The following ESRRB variants were observed in gnomAD, a reference collection of about 807,000 sequenced individuals.
ESRRB encodes the protein steroid hormone receptor ERR2.
ESRRB carries 16 observed loss-of-function variants against 46.0 expected under a neutral mutation model. The ratio of observed to expected loss-of-function variants is 0.35; its 90% CI spans 0.24 to 0.53. The LOEUF (loss-of-function observed/expected upper bound fraction) is 0.53. ESRRB is among the 20% of genes least tolerant of loss of function. The probability of loss-of-function intolerance (pLI) is 0.93; values close to 1 mark genes in which losing one functional copy is unlikely to be tolerated. For missense variants in ESRRB, 488 were observed against 607.4 expected, an observed-to-expected ratio of 0.80 and a Z score of 2.07; for synonymous variants, 246 against 259.6, an observed-to-expected ratio of 0.95 and a Z score of 0.50.
rs1351526750 is a variant in ESRRB at position 76,499,153 on chromosome 14, C to CA, written c.*695_*696insA. On this transcript the variant is annotated 3_prime_UTR_variant, in exon 7 of 7. Transcript: ENST00000644823. ...CCTGTCCTCCTCCTCTTCTCCTCCC[C>CA]CCGGGAGTCCCCCGCTACTTCCTGA... 6.4e-6 allele frequency: 2 copies of CA among 313,558 alleles called. No individual in the cohort carries two copies. Among genetic ancestry groups the CA allele is most frequent in the African/African-American group, 2.2e-5 (1 of 45,764 alleles). The allele number at this position is 313,558 out of a possible 1,614,324, so 19.4% of individuals were successfully genotyped here. A position where few individuals can be genotyped will look rare whatever the true frequency, so the allele number is the denominator to read the frequency against.
chr14:76,488,541 C>T (rs79598061), intron 5 of ESRRB, among the ~76,000 whole-genome samples: 2,152 of 152,322 alleles, frequency 0.014, 63 homozygotes, highest in African/African-American at 0.049. Context: ...GGCACATTTT[C>T]TTGTCTCCTG....
intron 1 of ESRRB, among the ~76,000 whole-genome samples, chr14:76,340,034 G>A (rs1393718618): frequency 1.3e-5 from 2 of 152,094 alleles, no homozygotes; most frequent in Admixed American, 6.5e-5. Flanking sequence ...GGGGCAGGCG[G>A]CAATCTTTAT....
intron 1 of ESRRB, among the ~76,000 whole-genome samples, chr14:76,389,004 G>T (rs369833386): frequency 2.0e-5 from 3 of 152,088 alleles, no homozygotes; most frequent in South Asian, 2.1e-4. Flanking sequence ...CTCTAAACCT[G>T]CTTATCCTCA....
intron 1 of ESRRB, among the ~76,000 whole-genome samples, chr14:76,399,413 G>A (rs1396733705): frequency 1.3e-5 from 2 of 152,084 alleles, no homozygotes; most frequent in East Asian, 1.9e-4. Context: ...AAATCAAACA[G>A]CCAACACAGG....
chr14:76,352,310 G>C (rs139258344), intron 1 of ESRRB, among the ~76,000 whole-genome samples: 1 of 152,206 alleles, frequency 6.6e-6, no homozygotes, highest in Non-Finnish European at 1.5e-5. Flanking sequence ...TAAGTGTTCA[G>C]TACATGTTAA....
In ESRRB at chr14:76,498,313, C is replaced by A; in HGVS notation, c.1220C>A (p.Pro407His). The change falls in exon 7 of 7, where the codon CCC becomes CAC. Residue 407 changes from proline to histidine, a missense_variant. Pro to His is a moderately conservative substitution (Grantham distance 77). Transcript: ENST00000644823. The stretch of plus-strand genomic sequence containing the variant: ...GAGCTGAGCCAGCGCCATGAGGAGC[C>A]CTGGAGGACGGGCAAGCTGCTGCTG... ...DYELSQRHEEPWRTGKLLLTL... is the reference protein window; with the variant it reads ...DYELSQRHEEHWRTGKLLLTL... The A allele has an allele frequency of 6.2e-7, 1 of 1,613,474 alleles. No homozygotes were observed. Among genetic ancestry groups the A allele is most frequent in the Non-Finnish European group, 8.5e-7 (1 of 1,179,908 alleles).
At chr14:76,407,347 T>C (rs1446262281) in intron 1 of ESRRB, 1 of 155,800 alleles carries the variant, frequency 6.4e-6, no homozygotes, top group Non-Finnish European at 1.4e-5. Flanking sequence ...GACACAAATG[T>C]AGAGCCACAA....
In ESRRB at chr14:76,499,541, C is replaced by T. The variant is rs1890579443; in HGVS notation, c.*1083C>T. The T allele has an allele frequency of 2.3e-6, 1 of 439,100 alleles. No individual in the cohort carries two copies. The highest frequency in any genetic ancestry group is 3.5e-5 in the Admixed American group (1 of 28,962). 27.2% of individuals were successfully genotyped at this position (439,100 alleles called of 1,614,324 possible). On this transcript the variant is annotated 3_prime_UTR_variant, in exon 7 of 7. Transcript: ENST00000644823. ...GCCTGCCTCATCCTTCCTGGCTTCCCTTCCCTGCACTCAGCATCATGCCAC... is the reference window on the plus strand; with the variant it reads ...GCCTGCCTCATCCTTCCTGGCTTCCTTTCCCTGCACTCAGCATCATGCCAC...
chr14:76,362,355 T>G (rs1191845240), intron 1 of ESRRB, among the ~76,000 whole-genome samples: 2 of 152,182 alleles, frequency 1.3e-5, no homozygotes, highest in African/African-American at 4.8e-5. Context: ...GTGCTCTTAT[T>G]TACCAACATC....
intron 3 of ESRRB, among the ~76,000 whole-genome samples, chr14:76,464,017 G>A (rs191420887): frequency 1.1e-4 from 17 of 152,274 alleles, no homozygotes; most frequent in Admixed American, 9.8e-4. Flanking sequence ...TTTTCAGTTT[G>A]AGGAACCTTG....
chr14:76,350,942 G>A (rs1329925030), intron 1 of ESRRB, among the ~76,000 whole-genome samples: 1 of 152,236 alleles, frequency 6.6e-6, no homozygotes, highest in African/African-American at 2.4e-5. Context: ...ACACCTGCCT[G>A]CTGTCTGCCT....
At chr14:76,416,199 G>C (rs536978865) in intron 1 of ESRRB, among the ~76,000 whole-genome samples, 1 of 143,952 alleles carries the variant, frequency 6.9e-6, no homozygotes, top group East Asian at 2.1e-4. Flanking sequence ...GCAGTGGTGT[G>C]ATCATAGCTC....
chr14:76,445,769 C>T (rs964928105), intron 2 of ESRRB, among the ~76,000 whole-genome samples: 10 of 151,220 alleles, frequency 6.6e-5, no homozygotes, highest in Admixed American at 1.3e-4. Flanking sequence ...ACTTCAACCT[C>T]GGCCTCCCAG....
chr14:76,356,808 C>G (rs12589382), intron 1 of ESRRB, among the ~76,000 whole-genome samples: 152,100 of 152,378 alleles, frequency 1, 75,911 homozygotes, highest in Middle Eastern at 1. Flanking sequence ...AATTGTTCTG[C>G]GAGGCTGGAT....
At chr14:76,353,429 C>G (rs1337878471) in intron 1 of ESRRB, among the ~76,000 whole-genome samples, 1 of 152,178 alleles carries the variant, frequency 6.6e-6, no homozygotes, top group African/African-American at 2.4e-5. Context: ...CCCTAAGACT[C>G]GGGGATTACA....
intron 3 of ESRRB, among the ~76,000 whole-genome samples, chr14:76,468,239 GC>G (rs1431887426): frequency 6.6e-6 from 1 of 152,066 alleles, no homozygotes; most frequent in African/African-American, 2.4e-5. Context: ...GAGATGACTT[GC>G]CTTTAAAAAT....
chr14:76,439,386 C>CTGCG lies in ESRRB; in HGVS notation c.97_100dup (p.Gly34ValfsTer8). 6.2e-7 allele frequency: 1 copy of CTGCG among 1,613,684 alleles called. No homozygotes were observed. The highest frequency in any genetic ancestry group is 8.5e-7 in the Non-Finnish European group (1 of 1,180,040). On this transcript the variant is annotated frameshift_variant, in exon 2 of 7. Coordinates refer to ENST00000644823, the MANE Select transcript of ESRRB (RefSeq NM_001379180.1). LOFTEE classifies it high-confidence loss of function. ...CGGACGACAGGCACCTGGGCTCCAGCTGCGGCTCCTTCATCAAGACTGAGC... is the reference window on the plus strand; with the variant it reads ...CGGACGACAGGCACCTGGGCTCCAGCTGCGTGCGGCTCCTTCATCAAGACTGAGC...
At chr14:76,478,707 A>T (rs1347479168) in intron 3 of ESRRB, among the ~76,000 whole-genome samples, 1 of 152,084 alleles carries the variant, frequency 6.6e-6, no homozygotes, top group African/African-American at 2.4e-5. Flanking sequence ...GGGAAGCAGA[A>T]CTTGGTGGAG....
chr14:76,413,502 C>T (rs1411699370), intron 1 of ESRRB, among the ~76,000 whole-genome samples: 1 of 152,150 alleles, frequency 6.6e-6, no homozygotes, highest in Non-Finnish European at 1.5e-5. Flanking sequence ...TCCTTCAAGA[C>T]GTAGGCTAAA....
Sources: gnomAD v4.1 joint callset for allele counts (sites outside exome capture counted in the v4.1 genomes callset) on GRCh38, gnomAD v4.1.1 for gene constraint, MANE v1.5 for transcripts, NCBI Gene and HGNC (gene_info 2026-07-23, HGNC 2026-07-21) for gene names.